HOOK3: variants seen among roughly 807,000 people sequenced by gnomAD.
HOOK3 encodes protein Hook homolog 3.
HOOK3 carries 24 observed loss-of-function variants against 116.3 expected under a neutral mutation model. That is an observed-to-expected ratio of 0.21 (90% CI 0.15 to 0.29). HOOK3 has a LOEUF of 0.29. Ranked by LOEUF, HOOK3 falls within the 10% of genes least tolerant of loss-of-function variation. The pLI, the probability that HOOK3 is intolerant of heterozygous loss-of-function variation, is 1.00. For missense variants in HOOK3, 632 were observed against 830.2 expected (o/e 0.76, Z 2.93); for synonymous variants, 275 against 283.0 (o/e 0.97, Z 0.28).
chr8:42,986,285 A>G (rs1421811106), intron 14 of HOOK3, among the ~76,000 whole-genome samples: 1 of 151,920 alleles, frequency 6.6e-6, no homozygotes, highest in East Asian at 1.9e-4. Context: ...GTATCTTGCC[A>G]CCAAATGATT....
At chr8:42,956,299 T>TA (rs1208292876) in intron 6 of HOOK3, among the ~76,000 whole-genome samples, 4 of 151,134 alleles carry the variant, frequency 2.6e-5, no homozygotes, top group Non-Finnish European at 5.9e-5. Context: ...TTTTCGCTAA[T>TA]ACTGATGTTG....
intron 5 of HOOK3, among the ~76,000 whole-genome samples, chr8:42,947,988 G>C (rs987623150): frequency 1.4e-4 from 21 of 152,136 alleles, no homozygotes; most frequent in African/African-American, 5.1e-4. Flanking sequence ...CATTTGTCTT[G>C]GCTATCTTAC....
intron 4 of HOOK3, 28 bp from the exon 5 acceptor site, chr8:42,943,285 C>T: frequency 7.4e-7 from 1 of 1,348,002 alleles, no homozygotes; most frequent in Non-Finnish European, 9.8e-7. Flanking sequence ...AATGTAAATG[C>T]AATTATAATC....
At chr8:42,985,045 A>G (rs1809025104) in intron 14 of HOOK3, among the ~76,000 whole-genome samples, 1 of 152,248 alleles carries the variant, frequency 6.6e-6, no homozygotes, top group African/African-American at 2.4e-5. Context: ...AACATGTTTT[A>G]GACAGTGGGT....
intron 8 of HOOK3, among the ~76,000 whole-genome samples, chr8:42,960,041 A>G (rs1343858460): frequency 6.6e-6 from 1 of 152,236 alleles, no homozygotes; most frequent in Non-Finnish European, 1.5e-5. Flanking sequence ...ATATTTACAA[A>G]GTCGTAATGT....
chr8:42,970,782 C>CTTT lies in HOOK3; in HGVS notation c.1123-2488_1123-2486dup, dbSNP rs764513803. Among the ~76,000 whole-genome samples, 93 of 93,840 alleles carry CTTT rather than the reference C, an allele frequency of 9.9e-4. 2 individuals are homozygous for CTTT. Among genetic ancestry groups the CTTT allele is most frequent in the African/African-American group, 2.5e-3 (57 of 23,072 alleles). The allele number at this position is 93,840 out of a possible 152,430, so 61.6% of individuals were successfully genotyped here. ...GTAAAGAAATAAAAGGAATTTGGGTCTTTTTTTTTTTTTTTTTTTTTCTGA... is the reference window on the plus strand; with the variant it reads ...GTAAAGAAATAAAAGGAATTTGGGTCTTTTTTTTTTTTTTTTTTTTTTTTCTGA... On this transcript the variant is annotated intron_variant, in intron 11 of 21. Coordinates refer to ENST00000307602, the MANE Select transcript of HOOK3 (RefSeq NM_032410.4).
At position 43,020,049 on chromosome 8, in the gene HOOK3, G is replaced by A. The variant is rs1380406643; in HGVS notation, c.*1551G>A. ...TTTCAGCAACTATATTCAAGTGTTT[G>A]ATTTTTAAATTCTTTCTTTCTTTTT... is the stretch of plus-strand genomic sequence containing the variant. On this transcript the variant is annotated 3_prime_UTR_variant, in exon 22 of 22. Coordinates refer to ENST00000307602, the MANE Select transcript of HOOK3 (RefSeq NM_032410.4). 5.0e-6 allele frequency: 1 copy of A among 198,388 alleles called. No individual in the cohort carries two copies. The highest frequency in any genetic ancestry group is 1.0e-5 in the Non-Finnish European group (1 of 96,100). The allele number at this position is 198,388 out of a possible 1,614,324, so 12.3% of individuals were successfully genotyped here.
chr8:42,926,945 C>T (rs576812369), intron 3 of HOOK3, among the ~76,000 whole-genome samples: 17 of 152,288 alleles, frequency 1.1e-4, no homozygotes, highest in African/African-American at 4.1e-4. Flanking sequence ...TTCTCCATCT[C>T]TGTGATTTTG....
chr8:42,923,098 A>G (rs1189270342), intron 2 of HOOK3, among the ~76,000 whole-genome samples: 3 of 152,250 alleles, frequency 2.0e-5, no homozygotes, highest in Admixed American at 2.0e-4. Context: ...GCCAATAAGC[A>G]CATGTGAAGA....
At chr8:43,003,383 C>A (rs1809413986) in intron 17 of HOOK3, among the ~76,000 whole-genome samples, 3 of 152,142 alleles carry the variant, frequency 2.0e-5, no homozygotes, top group African/African-American at 7.2e-5. Flanking sequence ...GAAAATATTA[C>A]TTTTGCCTTT....
intron 2 of HOOK3, among the ~76,000 whole-genome samples, chr8:42,920,946 T>A (rs181491541): frequency 3.3e-5 from 5 of 152,338 alleles, no homozygotes; most frequent in Middle Eastern, 3.4e-3. Flanking sequence ...CAGCTGATTT[T>A]GTTGTCTTCC....
At chr8:43,016,136 T>A (rs62515955) in intron 21 of HOOK3, among the ~76,000 whole-genome samples, 1 of 123,190 alleles carries the variant, frequency 8.1e-6, no homozygotes. Flanking sequence ...TTTTTTTTTT[T>A]AAATGGAGTC....
intron 14 of HOOK3, among the ~76,000 whole-genome samples, chr8:42,985,284 T>C (rs960188539): frequency 6.6e-6 from 1 of 152,184 alleles, no homozygotes; most frequent in East Asian, 1.9e-4. Flanking sequence ...GCTAATCTTA[T>C]TGACTTGTTA....
At chr8:42,941,414 AG>A (rs769903793) in intron 4 of HOOK3, among the ~76,000 whole-genome samples, 12 of 148,314 alleles carry the variant, frequency 8.1e-5, no homozygotes, top group Non-Finnish European at 1.5e-4. Context: ...GCTACTCGGG[AG>A]GCTGAGGCAC....
chr8:42,951,914 G>A (rs1029511761), intron 6 of HOOK3, among the ~76,000 whole-genome samples: 2 of 151,732 alleles, frequency 1.3e-5, no homozygotes, highest in East Asian at 1.9e-4. Flanking sequence ...GTACTCCAGC[G>A]TGGCGACAGC....
intron 14 of HOOK3, among the ~76,000 whole-genome samples, chr8:42,985,627 G>A (rs1271789466): frequency 3.3e-5 from 5 of 151,590 alleles, no homozygotes; most frequent in East Asian, 1.9e-4. Context: ...AAAAATATAC[G>A]GTCCATGTTG....
chr8:42,959,441 G>C (rs1808496081), intron 8 of HOOK3, 127 bp downstream of exon 8: 1 of 611,514 alleles, frequency 1.6e-6, no homozygotes, highest in African/African-American at 1.9e-5. Flanking sequence ...AAAAATGGCT[G>C]GGCGCAGTGG....
intron 15 of HOOK3, among the ~76,000 whole-genome samples, chr8:42,994,905 G>T (rs1401339355): frequency 6.6e-6 from 1 of 152,160 alleles, no homozygotes; most frequent in Non-Finnish European, 1.5e-5. Flanking sequence ...TTACAGTATT[G>T]TTTGATGAAA....
chr8:42,932,346 T>TA (rs142154035), intron 4 of HOOK3, among the ~76,000 whole-genome samples: 74 of 150,648 alleles, frequency 4.9e-4, no homozygotes, highest in Non-Finnish European at 8.9e-4. Flanking sequence ...GCCTATTACA[T>TA]AAAAAAAAAG....
Sources: gnomAD v4.1 joint callset for allele counts (sites outside exome capture counted in the v4.1 genomes callset) on GRCh38, gnomAD v4.1.1 for gene constraint, MANE v1.5 for transcripts, NCBI Gene and HGNC (gene_info 2026-07-23, HGNC 2026-07-21) for gene names.